The following SKAP1 variants were observed in gnomAD, a reference collection of about 807,000 sequenced individuals.
SKAP1 encodes src kinase associated phosphoprotein 1, also known as src kinase-associated phosphoprotein 1.
SKAP1 carries 44 observed loss-of-function variants against 58.5 expected under a neutral mutation model. The observed-to-expected ratio is 0.75, with a 90% CI of 0.59 to 0.97. The LOEUF is 0.97. Among genes scored for constraint, SKAP1 ranks in the 50% least tolerant of loss-of-function variants. SKAP1 has a pLI of 0.00. For missense variants in SKAP1, 390 were observed against 435.2 expected, an observed-to-expected ratio of 0.90 and a Z score of 0.92; for synonymous variants, 127 against 149.7, an observed-to-expected ratio of 0.85 and a Z score of 1.11.
intron 4 of SKAP1, among the ~76,000 whole-genome samples, chr17:48,281,807 T>A (rs1462404180): frequency 6.6e-6 from 1 of 152,224 alleles, no homozygotes; most frequent in Non-Finnish European, 1.5e-5. Context: ...ATACTCATAT[T>A]GTTTAGAAAA....
At chr17:48,396,867 T>C in intron 1 of SKAP1, 82 bp from the exon 2 acceptor site, 4 of 928,638 alleles carry the variant, frequency 4.3e-6, no homozygotes, top group Middle Eastern at 2.2e-4. Flanking sequence ...AAATGGCACA[T>C]GTATACATAT....
chr17:48,342,723 G>A (rs928814937), intron 4 of SKAP1, among the ~76,000 whole-genome samples: 9 of 152,150 alleles, frequency 5.9e-5, no homozygotes, highest in African/African-American at 1.7e-4. Flanking sequence ...TCATTACAAA[G>A]AATGTTAAAG....
intron 1 of SKAP1, among the ~76,000 whole-genome samples, chr17:48,403,732 A>G (rs1598662680): frequency 6.6e-6 from 1 of 152,136 alleles, no homozygotes; most frequent in South Asian, 2.1e-4. Context: ...CTTCTGAAGT[A>G]TATGTTCTGA....
At chr17:48,136,249 G>C (rs996497858) in intron 12 of SKAP1, among the ~76,000 whole-genome samples, 6 of 151,376 alleles carry the variant, frequency 4.0e-5, no homozygotes, top group Non-Finnish European at 7.4e-5. Context: ...TTGGCTCACT[G>C]CAACCTATGC....
intron 3 of SKAP1, among the ~76,000 whole-genome samples, chr17:48,351,382 G>A (rs2066798638): frequency 6.6e-6 from 1 of 151,906 alleles, no homozygotes; most frequent in South Asian, 2.1e-4. Context: ...TATAGTGAAG[G>A]ACTCAAATTC....
intron 3 of SKAP1, among the ~76,000 whole-genome samples, chr17:48,348,107 A>G (rs2066747024): frequency 6.6e-6 from 1 of 152,146 alleles, no homozygotes; most frequent in Non-Finnish European, 1.5e-5. Flanking sequence ...TGGGAGGCCA[A>G]GGCAGGTGGA....
At chr17:48,254,525 T>TA (rs934181018) in intron 4 of SKAP1, among the ~76,000 whole-genome samples, 3 of 151,942 alleles carry the variant, frequency 2.0e-5, no homozygotes, top group African/African-American at 7.3e-5. Flanking sequence ...GATGTATTGT[T>TA]AAAGAGAAAC....
At chr17:48,312,585 A>G (rs1357827566) in intron 4 of SKAP1, among the ~76,000 whole-genome samples, 1 of 152,196 alleles carries the variant, frequency 6.6e-6, no homozygotes, top group Non-Finnish European at 1.5e-5. Context: ...CCCATGCAAG[A>G]GCTTATGGTC....
chr17:48,341,476 CAG>C (rs970838955), intron 4 of SKAP1, among the ~76,000 whole-genome samples: 1 of 152,030 alleles, frequency 6.6e-6, no homozygotes, highest in African/African-American at 2.4e-5. Context: ...AAAATGAAAA[CAG>C]AGAAATGTCT....
chr17:48,308,372 A>G (rs1287737040), intron 4 of SKAP1: 1 of 152,220 alleles, frequency 6.6e-6, no homozygotes, highest in Admixed American at 6.5e-5. Flanking sequence ...TATACAACTT[A>G]TTCTCACTTA....
At chr17:48,146,491 TAA>T (rs113358305) in intron 11 of SKAP1, among the ~76,000 whole-genome samples, 128 of 143,942 alleles carry the variant, frequency 8.9e-4, no homozygotes, top group South Asian at 3.4e-3. Context: ...AGACTCCATT[TAA>T]AAAAAAAAAA....
At chr17:48,396,531 G>GC (rs2067419728) in intron 2 of SKAP1, 149 bp downstream of exon 2, 1 of 466,490 alleles carries the variant, frequency 2.1e-6, no homozygotes, top group Non-Finnish European at 3.8e-6. Context: ...ATGCTTGCCT[G>GC]CCTCCAGTTC....
intron 4 of SKAP1, among the ~76,000 whole-genome samples, chr17:48,299,876 A>G (rs1404125380): frequency 1.3e-5 from 2 of 152,134 alleles, no homozygotes; most frequent in South Asian, 2.1e-4. Flanking sequence ...AAGGCACTCC[A>G]GGTGGAAGGC....
chr17:48,239,866 G>GAGAC (rs2065226796), intron 4 of SKAP1, among the ~76,000 whole-genome samples: 2 of 151,758 alleles, frequency 1.3e-5, no homozygotes, highest in African/African-American at 4.8e-5. Flanking sequence ...GAGAGAGAGA[G>GAGAC]AGAGAGAGAG....
intron 7 of SKAP1, 99 bp downstream of exon 7, chr17:48,184,624 A>G: frequency 6.7e-7 from 1 of 1,492,940 alleles, no homozygotes; most frequent in South Asian, 1.1e-5. Context: ...GCAGGTAACA[A>G]AGAAAGGCTG....
intron 4 of SKAP1, among the ~76,000 whole-genome samples, chr17:48,205,016 T>TC (rs57694066): frequency 0.066 from 88 of 1,336 alleles, 1 homozygote; most frequent in Admixed American, 0.12. Flanking sequence ...TTTCTTTCTT[T>TC]TTCTTTCTTT....
chr17:48,242,800 G>C (rs1159413116), intron 4 of SKAP1, among the ~76,000 whole-genome samples: 1 of 152,160 alleles, frequency 6.6e-6, no homozygotes, highest in Non-Finnish European at 1.5e-5. Flanking sequence ...AGTGTGATAG[G>C]ATCTCCCCTA....
intron 4 of SKAP1, among the ~76,000 whole-genome samples, chr17:48,313,745 C>T (rs145779849): frequency 1.3e-5 from 2 of 152,264 alleles, no homozygotes; most frequent in African/African-American, 4.8e-5. Flanking sequence ...TTCAGACTCT[C>T]TCCTAATAAT....
At chr17:48,257,628 C>CTTTTTT (rs56225931) in intron 4 of SKAP1, among the ~76,000 whole-genome samples, 28 of 111,144 alleles carry the variant, frequency 2.5e-4, no homozygotes, top group South Asian at 6.5e-4. Flanking sequence ...TTCTTTCTTT[C>CTTTTTT]TTTTTTTTTT....
Sources: gnomAD v4.1 joint callset for allele counts (sites outside exome capture counted in the v4.1 genomes callset) on GRCh38, gnomAD v4.1.1 for gene constraint, MANE v1.5 for transcripts, NCBI Gene and HGNC (gene_info 2026-07-23, HGNC 2026-07-21) for gene names.